The following TMCC1 variants were observed in gnomAD, a reference collection of about 807,000 sequenced individuals.
TMCC1 encodes the protein transmembrane and coiled-coil domain family 1, also known as transmembrane and coiled-coil domains protein 1.
Under a neutral mutation model 52.4 loss-of-function variants are expected in TMCC1, and 15 were observed. That is an observed-to-expected ratio of 0.29 (90% CI 0.19 to 0.44). The LOEUF (loss-of-function observed/expected upper bound fraction) is 0.44, where lower values mean the gene tolerates loss of function less well. Ranked by LOEUF, TMCC1 falls within the 20% of genes least tolerant of loss-of-function variation. The pLI, the probability that TMCC1 is intolerant of heterozygous loss-of-function variation, is 1.00. For synonymous variants in TMCC1, 279 were observed against 301.9 expected, an observed-to-expected ratio of 0.92 and a Z score of 0.79; for missense variants, 503 against 806.0, an observed-to-expected ratio of 0.62 and a Z score of 4.55.
chr3:129,725,966 CTAAAGA>C (rs780856787), intron 4 of TMCC1, among the ~76,000 whole-genome samples: 2 of 152,214 alleles, frequency 1.3e-5, no homozygotes, highest in East Asian at 3.9e-4. Context: ...ACCCAAAAAC[CTAAAGA>C]TAATCATTCT....
chr3:129,866,535 G>A (rs2060659422), intron 2 of TMCC1, among the ~76,000 whole-genome samples: 1 of 151,012 alleles, frequency 6.6e-6, no homozygotes, highest in African/African-American at 2.4e-5. Context: ...GCGCCACCAC[G>A]CCCGGCTAAT....
At position 129,759,709 on chromosome 3, in the gene TMCC1, ACTT is replaced by A. The variant is rs1369757988; in HGVS notation, c.576+68091_576+68093del. On this transcript the variant is annotated intron_variant, in intron 4 of 6. Coordinates refer to ENST00000393238, the MANE Select transcript of TMCC1 (RefSeq NM_001017395.5). ...GGCATGAGCCACTGCAGCCAGCCAA[ACTT>A]TTTTTTTTTTTTTTTTTTTTTTTTT... Among the ~76,000 whole-genome samples, 401 of 98,336 alleles carry A rather than the reference ACTT, an allele frequency of 4.1e-3. 9 individuals carry two copies. Among genetic ancestry groups the A allele is most frequent in the African/African-American group, 5.8e-3 (148 of 25,358 alleles). 64.5% of individuals were successfully genotyped at this position (98,336 alleles called of 152,430 possible).
rs555834301 is a variant in TMCC1 at position 129,734,731 on chromosome 3, T to G, written c.577-63467A>C. 2.6e-5 allele frequency among the ~76,000 whole-genome samples: 4 copies of G among 152,086 alleles called. 1 individual carries two copies. In the South Asian group the frequency reaches 8.3e-4, roughly 32 times the overall value. On this transcript the variant is annotated intron_variant, in intron 4 of 6. Coordinates refer to ENST00000393238, the MANE Select transcript of TMCC1 (RefSeq NM_001017395.5). Reference sequence around the variant, plus strand: ...CATATGTTAATGAAAAACACTAAATTCAGGATAGTACTTGTCTCTGAAGAA... The same window carrying G: ...CATATGTTAATGAAAAACACTAAATGCAGGATAGTACTTGTCTCTGAAGAA...
At chr3:129,838,976 C>A (rs1458061640) in intron 2 of TMCC1, among the ~76,000 whole-genome samples, 2 of 151,916 alleles carry the variant, frequency 1.3e-5, no homozygotes, top group Non-Finnish European at 2.9e-5. Context: ...ATTCTACATC[C>A]AGTGAAAATA....
At chr3:129,655,231 T>C in intron 5 of TMCC1, 128 bp from the exon 6 acceptor site, 2 of 1,178,296 alleles carry the variant, frequency 1.7e-6, no homozygotes, top group Non-Finnish European at 2.3e-6. Flanking sequence ...GTGGCCTGGG[T>C]TAACAGGGTG....
intron 4 of TMCC1, among the ~76,000 whole-genome samples, chr3:129,747,202 T>TA (rs887314138): frequency 6.6e-6 from 1 of 151,906 alleles, no homozygotes; most frequent in Non-Finnish European, 1.5e-5. Flanking sequence ...TACATATATA[T>TA]AAAAAAAAGT....
At chr3:129,749,718 T>C (rs550850305) in intron 4 of TMCC1, among the ~76,000 whole-genome samples, 1 of 152,326 alleles carries the variant, frequency 6.6e-6, no homozygotes, top group East Asian at 1.9e-4. Context: ...ATATTTAATA[T>C]GCAGCATGAA....
chr3:129,833,511 A>G (rs573601429), intron 2 of TMCC1, among the ~76,000 whole-genome samples: 20 of 152,336 alleles, frequency 1.3e-4, no homozygotes, highest in Admixed American at 5.9e-4. Context: ...TGGAGATTAC[A>G]GCGAGCTATG....
Position 129,760,496 on chromosome 3 carries a change from T to TGTG in TMCC1, c.576+67306_576+67307insCAC, listed in dbSNP as rs1560353306. 3.1e-3 allele frequency among the ~76,000 whole-genome samples: 210 copies of TGTG among 67,128 alleles called. 3 individuals are homozygous for TGTG. Among genetic ancestry groups the TGTG allele is most frequent in the African/African-American group, 6.9e-3 (187 of 27,174 alleles). 44.0% of individuals were successfully genotyped at this position (67,128 alleles called of 152,430 possible). A position where few individuals can be genotyped will look rare whatever the true frequency, so the allele number is the denominator to read the frequency against. On this transcript the variant is annotated intron_variant, in intron 4 of 6. Coordinates refer to ENST00000393238, the MANE Select transcript of TMCC1 (RefSeq NM_001017395.5). ...TGTGTGTGTGTGTGTGTGTGTGTGT[T>TGTG]TTTGAGACAGTCTCGCTCTGTTGCC... is the stretch of plus-strand genomic sequence containing the variant.
chr3:129,712,257 T>C (rs1443358085), intron 4 of TMCC1, among the ~76,000 whole-genome samples: 1 of 152,110 alleles, frequency 6.6e-6, no homozygotes. Context: ...TTATAAGGCT[T>C]TTGTTTAAAT....
chr3:129,780,651 T>C (rs907979701), intron 4 of TMCC1, among the ~76,000 whole-genome samples: 2 of 152,120 alleles, frequency 1.3e-5, no homozygotes, highest in African/African-American at 4.8e-5. Flanking sequence ...TTTCCTTAGA[T>C]TCCTCAATAC....
chr3:129,719,696 G>A (rs1470467713), intron 4 of TMCC1, among the ~76,000 whole-genome samples: 1 of 152,198 alleles, frequency 6.6e-6, no homozygotes, highest in East Asian at 1.9e-4. Context: ...CACAGACCTG[G>A]CATCAGAATT....
chr3:129,804,325 C>T (rs368746005), intron 4 of TMCC1, among the ~76,000 whole-genome samples: 156 of 152,242 alleles, frequency 1.0e-3, no homozygotes, highest in African/African-American at 3.3e-3. Context: ...TATAACATAG[C>T]TACATTTTTT....
chr3:129,663,188 T>C (rs1167270009), intron 5 of TMCC1, among the ~76,000 whole-genome samples: 1 of 152,184 alleles, frequency 6.6e-6, no homozygotes, highest in Non-Finnish European at 1.5e-5. Flanking sequence ...TGGGAATGCT[T>C]TGACCTGAAG....
chr3:129,855,301 CAT>C (rs1311941454), intron 2 of TMCC1, among the ~76,000 whole-genome samples: 4 of 152,098 alleles, frequency 2.6e-5, no homozygotes, highest in African/African-American at 9.7e-5. Context: ...CTTAACACCT[CAT>C]TGAGTTTTTC....
chr3:129,809,663 A>G (rs897873313), intron 4 of TMCC1, among the ~76,000 whole-genome samples: 2 of 152,128 alleles, frequency 1.3e-5, no homozygotes, highest in Non-Finnish European at 2.9e-5. Context: ...GGTGCAAAAG[A>G]AGAGAGAGAG....
chr3:129,849,578 CA>C (rs2059819509), intron 2 of TMCC1, among the ~76,000 whole-genome samples: 1 of 151,574 alleles, frequency 6.6e-6, no homozygotes, highest in African/African-American at 2.4e-5. Flanking sequence ...TCCTGGCTAA[CA>C]CAGTGAAACC....
rs1014405567 is a variant in TMCC1, at chr3:129,669,439, T to A, written c.1511+891A>T. ...TTGGATGTATCCTTAGAAAAAAATTTTTTTTTTTTTTTGAGACGGAGTTTC... is the reference window on the plus strand; with the variant it reads ...TTGGATGTATCCTTAGAAAAAAATTATTTTTTTTTTTTGAGACGGAGTTTC... On this transcript the variant is annotated intron_variant, in intron 5 of 6. Transcript: ENST00000393238. 4.6e-5 allele frequency among the ~76,000 whole-genome samples: 7 copies of A among 151,670 alleles called. No homozygotes were observed. The East Asian group carries it at 1.4e-3, about 29-fold the overall frequency.
At chr3:129,738,784 G>A (rs2051204943) in intron 4 of TMCC1, among the ~76,000 whole-genome samples, 2 of 152,194 alleles carry the variant, frequency 1.3e-5, no homozygotes, top group South Asian at 4.2e-4. Context: ...ATTTACACAT[G>A]GACTTTTATA....
Sources: gnomAD v4.1 joint callset for allele counts (sites outside exome capture counted in the v4.1 genomes callset) on GRCh38, gnomAD v4.1.1 for gene constraint, MANE v1.5 for transcripts, NCBI Gene and HGNC (gene_info 2026-07-23, HGNC 2026-07-21) for gene names.